Variants in WDR87 observed in about 807,000 individuals in gnomAD.
The protein encoded by WDR87 is WD repeat domain 87, also known as WD repeat-containing protein 87.
Under a neutral mutation model 83.3 loss-of-function variants are expected in WDR87, and 56 were observed. That is an observed-to-expected ratio of 0.67 (90% CI 0.54 to 0.84). The LOEUF is 0.84. WDR87 is among the 40% of genes least tolerant of loss of function. WDR87 has a pLI of 0.00. For missense variants in WDR87, 2,939 were observed against 3,431.9 expected (o/e 0.86, Z 3.59); for synonymous variants, 1,173 against 1,250.6 (o/e 0.94, Z 1.31).
rs2046270119 is a variant in WDR87 at position 37,898,065 on chromosome 19, C to G, written c.75+100G>C. The G allele has an allele frequency of 3.6e-6, 5 of 1,406,374 alleles. No homozygotes were observed. The Admixed American group carries it at 1.0e-4, about 29-fold the overall frequency. The allele number at this position is 1,406,374 out of a possible 1,614,324, so 87.1% of individuals were successfully genotyped here. ...TGACTATAGTATACCCTGTTTGCTT[C>G]CTGTTCTCAAGGACAATCTGTGGCT... On this transcript the variant is annotated intron_variant, in intron 2 of 5. Coordinates refer to ENST00000447313, the MANE Select transcript of WDR87 (RefSeq NM_001291088.2).
rs117923468 is a variant in WDR87, at chr19:37,889,059, C to A, written c.4612G>T (p.Ala1538Ser). Residue 1538 changes from alanine to serine, a missense_variant, in exon 6 of 6, where the codon GCT becomes TCT. By Grantham distance (99) the Ala-to-Ser change is moderately conservative (BLOSUM62 1). Coordinates refer to ENST00000447313, the MANE Select transcript of WDR87 (RefSeq NM_001291088.2). Reference sequence around the variant, plus strand: ...TCCTCCGGGGATAGCTTCTCTCCAGCCTGATGTAGTTTCTCCTCTTCCTGA... The same window carrying A: ...TCCTCCGGGGATAGCTTCTCTCCAGACTGATGTAGTTTCTCCTCTTCCTGA... ...LLQEEEKLHQ[A>S]GEKLSPEEEM... The A allele has an allele frequency of 4.3e-3, 6,687 of 1,552,088 alleles. 223 individuals are homozygous for A. In the Admixed American group the frequency reaches 0.06, roughly 14 times the overall value.
intron 5 of WDR87, 49 bp from the exon 6 acceptor site, chr19:37,890,325 A>C (rs1164047185): frequency 6.8e-7 from 1 of 1,465,144 alleles, no homozygotes; most frequent in Non-Finnish European, 9.0e-7. Context: ...GGGAAGCGAC[A>C]TGAAACCCTT....
chr19:37,892,235 A>G (rs1301062166), intron 4 of WDR87, among the ~76,000 whole-genome samples: 1 of 152,120 alleles, frequency 6.6e-6, no homozygotes, highest in Non-Finnish European at 1.5e-5. Context: ...TCTACAAACA[A>G]TTAGCCAGTG....
At position 37,887,840 on chromosome 19, in the gene WDR87, T is replaced by G. The variant is rs1303127757; in HGVS notation, c.5831A>C (p.Lys1944Thr). 4 of 1,551,112 alleles carry G rather than the reference T, an allele frequency of 2.6e-6. No homozygotes were observed. The highest frequency in any genetic ancestry group is 2.0e-5 in the Admixed American group (1 of 50,800). Residue 1944 changes from lysine to threonine, a missense_variant, in exon 6 of 6, where the codon AAG becomes ACG. Physicochemically the swap from Lys to Thr is moderately conservative, Grantham distance 78 (BLOSUM62 -1). Coordinates refer to ENST00000447313, the MANE Select transcript of WDR87 (RefSeq NM_001291088.2). ...LTQEKETVIK[K>T]KEKLAETEKK... ...CTCTGTTTCAGCCAGTTTCTCCTTC[T>G]TCTTGATCACAGTCTCCTTTTCCTG...
chr19:37,888,265 C>G lies in WDR87; in HGVS notation c.5406G>C (p.Leu1802=), dbSNP rs1348050020. 9 of 1,551,798 alleles carry G rather than the reference C, an allele frequency of 5.8e-6. No individual in the cohort carries two copies. The highest frequency in any genetic ancestry group is 7.8e-6 in the Non-Finnish European group (9 of 1,147,038). The change falls in exon 6 of 6, where the codon CTG becomes CTC. Residue 1802 remains leucine (L), a synonymous_variant. Coordinates refer to ENST00000447313, the MANE Select transcript of WDR87 (RefSeq NM_001291088.2). ...EEALAWQREK[L]SEEETKLAQE... ...GGGCCAGTTTTGTCTCTTCTTCAGA[C>G]AGTTTCTCCCTTTGCCAGGCCAATG...
intron 1 of WDR87, among the ~76,000 whole-genome samples, chr19:37,899,416 CA>C (rs11378161): frequency 3.8e-4 from 30 of 79,254 alleles, no homozygotes; most frequent in Admixed American, 7.1e-4. Flanking sequence ...GACTCAGTCT[CA>C]AAAAAAAAAA....
Position 37,893,495 on chromosome 19 carries a change from G to T in WDR87, c.2208C>A (p.Asn736Lys). The T allele has an allele frequency of 6.4e-7, 1 of 1,551,860 alleles. No individual in the cohort carries two copies. Among genetic ancestry groups the T allele is most frequent in the Non-Finnish European group, 8.7e-7 (1 of 1,147,036 alleles). ...AATGGTCAAAGGCAATGGCCCGGTT[G>T]TTGACAAGTTTCTCCAGACCCACTA... ...QKLVGLEKLVNNRAIAFDHSV... is the reference protein window; with the variant it reads ...QKLVGLEKLVKNRAIAFDHSV... The change falls in exon 4 of 6, where the codon AAC (asparagine) becomes AAA (lysine). Residue 736 changes from asparagine (N) to lysine (K), a missense_variant. Around this residue, in one of 3 missense-constraint regions of WDR87, gnomAD observed 2,160 missense variants for 2,533.1 expected, o/e 0.85. Transcript: ENST00000447313.
intron 3 of WDR87, among the ~76,000 whole-genome samples, chr19:37,895,777 A>G (rs2046250803): frequency 6.6e-6 from 1 of 151,902 alleles, no homozygotes; most frequent in East Asian, 1.9e-4. Context: ...AAAAAAAAAA[A>G]AAAAAAAAAA....
At chr19:37,901,805 C>G (rs996218475) in intron 1 of WDR87, among the ~76,000 whole-genome samples, 1 of 151,994 alleles carries the variant, frequency 6.6e-6, no homozygotes, top group African/African-American at 2.4e-5. Flanking sequence ...CCTCAAACCC[C>G]TGGGCTCAAG....
At position 37,886,580 on chromosome 19, in the gene WDR87, TC is replaced by T. The variant is rs1288382542; in HGVS notation, c.7090del (p.Glu2364LysfsTer20). 6 of 1,520,750 alleles carry T rather than the reference TC, an allele frequency of 3.9e-6. No homozygotes were observed. The highest frequency in any genetic ancestry group is 4.4e-6 in the Non-Finnish European group (5 of 1,136,890). 94.2% of individuals were successfully genotyped at this position (1,520,750 alleles called of 1,614,324 possible). On this transcript the variant is annotated frameshift_variant, in exon 6 of 6. Transcript: ENST00000447313. LOFTEE classifies it low-confidence loss of function (END_TRUNC). ...EEETESLSDE[E>X]EEEESCSLEE... ...CAATGAGCAGCTCTCCTCTTCCTCT[TC>T]CTCGTCACTCAAACTTTCTGTCTCT...
At chr19:37,906,058 G>A (rs2046325726) in intron 1 of WDR87, among the ~76,000 whole-genome samples, 1 of 152,122 alleles carries the variant, frequency 6.6e-6, no homozygotes, top group Non-Finnish European at 1.5e-5. Flanking sequence ...AAGTGTTAGT[G>A]AACATCTTCC....
chr19:37,888,792 GT>G lies in WDR87; in HGVS notation c.4878del (p.Lys1626AsnfsTer9). On this transcript the variant is annotated frameshift_variant, in exon 6 of 6. Transcript: ENST00000447313. LOFTEE classifies it low-confidence loss of function (END_TRUNC). ...IHRKRARAEK[K>X]RAQEERKLAQ... ...GCTAATTTCCTCTCTTCTTGGGCTC[GT>G]TTTTTTTCAGCTCGGGCTCGTTTCC... The G allele has an allele frequency of 1.3e-6, 2 of 1,550,834 alleles. No individual in the cohort carries two copies. Among genetic ancestry groups the G allele is most frequent in the African/African-American group, 1.4e-5 (1 of 72,792 alleles).
Position 37,886,982 on chromosome 19 carries a change from G to A in WDR87, c.6689C>T (p.Pro2230Leu). ...CTTTCTCCACCTTCGTTTAAGGAATGGGATTACCTCTTCTTCTTCTATTCC... is the reference window on the plus strand; with the variant it reads ...CTTTCTCCACCTTCGTTTAAGGAATAGGATTACCTCTTCTTCTTCTATTCC... ...EGGIEEEEVI[P>L]FLKRRWRKRK... Residue 2230 changes from proline to leucine, a missense_variant, in exon 6 of 6, where the codon CCA becomes CTA. Coordinates refer to ENST00000447313, the MANE Select transcript of WDR87 (RefSeq NM_001291088.2). 1 of 1,551,996 alleles carries A rather than the reference G, an allele frequency of 6.4e-7. No homozygotes were observed. Among genetic ancestry groups the A allele is most frequent in the East Asian group, 2.4e-5 (1 of 40,906 alleles).
intron 1 of WDR87, among the ~76,000 whole-genome samples, chr19:37,902,018 CTA>C (rs2046296483): frequency 8.7e-6 from 1 of 114,624 alleles, no homozygotes; most frequent in Non-Finnish European, 1.7e-5. Flanking sequence ...ACCTGGCCCT[CTA>C]TGTTTATTTA....
rs1220983430 is a variant in WDR87 at position 37,886,509 on chromosome 19, GT to G, written c.7161del (p.Lys2387AsnfsTer13). The G allele has an allele frequency of 3.8e-5, 57 of 1,504,906 alleles. No homozygotes were observed. Among genetic ancestry groups the G allele is most frequent in the Non-Finnish European group, 5.0e-5 (57 of 1,132,820 alleles). The allele number at this position is 1,504,906 out of a possible 1,614,324, so 93.2% of individuals were successfully genotyped here. ...CTTCTTTGTTCTTGTAACTTAAATT[GT>G]TTTTCTTTTTTTAAGATCTCTTTTT... The part of the protein sequence containing the change: ...DREKEILKKE[K>X]QFKLQEQRRK... On this transcript the variant is annotated frameshift_variant, in exon 6 of 6. Transcript: ENST00000447313. LOFTEE classifies it low-confidence loss of function (END_TRUNC).
Position 37,887,823 on chromosome 19 carries a change from C to T in WDR87, c.5848G>A (p.Glu1950Lys). The change falls in exon 6 of 6, where the codon GAA becomes AAA. Residue 1950 changes from glutamate (E) to lysine (K), a missense_variant. By Grantham distance (56) the Glu-to-Lys change is moderately conservative. This residue lies in a region of WDR87 where 2,160 missense variants were observed against 2,533.1 expected (regional missense o/e 0.85). Coordinates refer to ENST00000447313, the MANE Select transcript of WDR87 (RefSeq NM_001291088.2). ...ACTTGGACCAATTTTTTCTCTGTTT[C>T]AGCCAGTTTCTCCTTCTTCTTGATC... Reference protein sequence around the residue: ...TVIKKKEKLAETEKKLVQVED... With the variant: ...TVIKKKEKLAKTEKKLVQVED... 1 of 1,550,864 alleles carries T rather than the reference C, an allele frequency of 6.4e-7. No homozygotes were observed. Among genetic ancestry groups the T allele is most frequent in the Non-Finnish European group, 8.7e-7 (1 of 1,146,882 alleles).
In WDR87 at chr19:37,893,777, A is replaced by G. The variant is rs2046228873; in HGVS notation, c.1926T>C (p.Ile642=). The G allele has an allele frequency of 1.3e-6, 2 of 1,551,542 alleles. No individual in the cohort carries two copies. The highest frequency in any genetic ancestry group is 2.0e-5 in the Admixed American group (1 of 50,986). The change falls in exon 4 of 6, where the codon ATT becomes ATC. Residue 642 remains isoleucine (I), a synonymous_variant. Coordinates refer to ENST00000447313, the MANE Select transcript of WDR87 (RefSeq NM_001291088.2). ...IWDFHGRLIG[I]LDSSLHFGPV... is the part of the protein sequence containing the mutation. ...GGCCAAAGTGCAGTGATGAGTCCAG[A>G]ATGCCTATGAGTCTGCCATGGAAGT...
intron 5 of WDR87, 93 bp from the exon 6 acceptor site, chr19:37,890,369 A>C: frequency 1.4e-6 from 2 of 1,393,096 alleles, no homozygotes; most frequent in Non-Finnish European, 1.9e-6. Context: ...AAGAACTGTC[A>C]TATAAGAAGT....
Position 37,887,978 on chromosome 19 carries a change from T to G in WDR87, c.5693A>C (p.Asn1898Thr), listed in dbSNP as rs1487621274. 2.6e-6 allele frequency: 4 copies of G among 1,550,306 alleles called. No homozygotes were observed. In the African/African-American group the frequency reaches 5.5e-5, roughly 21 times the overall value. Reference sequence around the variant, plus strand: ...GAGTCTTTCTTTATTATAGAGTAGGTTCTCTTTCCTCTGAGCCAATTTTTC... The same window carrying G: ...GAGTCTTTCTTTATTATAGAGTAGGGTCTCTTTCCTCTGAGCCAATTTTTC... ...EKEKLAQRKE[N>T]LLYNKERLTH... Residue 1898 changes from asparagine (N) to threonine (T), a missense_variant, in exon 6 of 6, where the codon AAC becomes ACC. Around this residue, in one of 3 missense-constraint regions of WDR87, gnomAD observed 2,160 missense variants for 2,533.1 expected, o/e 0.85. Coordinates refer to ENST00000447313, the MANE Select transcript of WDR87 (RefSeq NM_001291088.2).
Sources: gnomAD v4.1 joint callset for allele counts (sites outside exome capture counted in the v4.1 genomes callset) on GRCh38, gnomAD v4.1.1 for gene constraint, gnomAD v4.1.1 regional missense constraint, MANE v1.5 for transcripts, NCBI Gene and HGNC (gene_info 2026-07-23, HGNC 2026-07-21) for gene names.